Variants in UMAD1 observed in about 807,000 individuals in gnomAD.
UMAD1 encodes the protein UBAP1-MVB12-associated (UMA) domain containing 1.
In UMAD1, 8 loss-of-function variants were observed where a neutral mutation model predicts 6.1. That is an observed-to-expected ratio of 1.30 (90% confidence interval 0.76 to 2.35). UMAD1 has a LOEUF of 2.35. UMAD1 is among the 30% of genes most tolerant of loss of function. The pLI is 0.00. For synonymous variants in UMAD1, 56 were observed against 31.4 expected, an observed-to-expected ratio of 1.78 and a Z score of -2.61; for missense variants, 130 against 78.4, an observed-to-expected ratio of 1.66 and a Z score of -2.49.
chr7:7,822,633 G>T (rs1352226049), intron 3 of UMAD1, among the ~76,000 whole-genome samples: 1 of 152,120 alleles, frequency 6.6e-6, no homozygotes, highest in African/African-American at 2.4e-5. Flanking sequence ...TGAGGAAAGG[G>T]TTCTGGAAGT....
At chr7:7,650,477 G>A (rs1291172390) in intron 1 of UMAD1, among the ~76,000 whole-genome samples, 1 of 152,094 alleles carries the variant, frequency 6.6e-6, no homozygotes, top group African/African-American at 2.4e-5. Flanking sequence ...TTTAAATTGT[G>A]ATTTTGCTGT....
At chr7:7,827,191 T>C (rs1002940870) in intron 3 of UMAD1, among the ~76,000 whole-genome samples, 1 of 131,552 alleles carries the variant, frequency 7.6e-6, no homozygotes, top group Non-Finnish European at 1.6e-5. Flanking sequence ...CACATGAAAA[T>C]TTAAATAATG....
intron 1 of UMAD1, among the ~76,000 whole-genome samples, chr7:7,672,395 G>A (rs1393161150): frequency 1.3e-5 from 2 of 152,044 alleles, no homozygotes; most frequent in African/African-American, 4.8e-5. Context: ...TGTGTATGAG[G>A]GATGGTCACA....
At chr7:7,640,947 G>C in intron 1 of UMAD1, 126 bp downstream of exon 1, 1 of 158,118 alleles carries the variant, frequency 6.3e-6, no homozygotes, top group South Asian at 1.5e-4. Flanking sequence ...CTGCGTACCA[G>C]CTGTTCACTG....
chr7:7,738,026 T>C (rs931530561), intron 2 of UMAD1, among the ~76,000 whole-genome samples: 2 of 152,334 alleles, frequency 1.3e-5, no homozygotes, highest in South Asian at 2.1e-4. Context: ...TTTCATGTTA[T>C]CAATTGAGAA....
At chr7:7,687,825 T>C (rs1267793064) in intron 2 of UMAD1, among the ~76,000 whole-genome samples, 1 of 152,212 alleles carries the variant, frequency 6.6e-6, no homozygotes, top group Non-Finnish European at 1.5e-5. Flanking sequence ...AAAGGAGTAA[T>C]TGCTCTGAAA....
At chr7:7,827,143 ATATATGTGTG>A (rs1425932274) in intron 3 of UMAD1, among the ~76,000 whole-genome samples, 1 of 135,140 alleles carries the variant, frequency 7.4e-6, no homozygotes, top group Non-Finnish European at 1.6e-5. Flanking sequence ...ATATATATAT[ATATATGTGTG>A]TGTGTGTGTG....
rs532997047 is a variant in UMAD1, at chr7:7,878,549, C to A, written c.*1011C>A. The A allele has an allele frequency of 3.3e-4, 50 of 152,196 alleles. No homozygotes were observed. The highest frequency in any genetic ancestry group is 1.2e-3 in the African/African-American group (49 of 41,512). 9.4% of individuals were successfully genotyped at this position (152,196 alleles called of 1,614,324 possible). On this transcript the variant is annotated 3_prime_UTR_variant, in exon 4 of 4. Transcript: ENST00000682710. ...CTTACTTTAATGAAAACAGAACTGCCATTGGTCAATAAACTGTAAAGGGAA... is the reference window on the plus strand; with the variant it reads ...CTTACTTTAATGAAAACAGAACTGCAATTGGTCAATAAACTGTAAAGGGAA...
intron 3 of UMAD1, among the ~76,000 whole-genome samples, chr7:7,859,140 C>T (rs570120110): frequency 1.2e-4 from 19 of 152,226 alleles, no homozygotes; most frequent in African/African-American, 4.3e-4. Context: ...TTATTGTTTT[C>T]CTGATTTCAA....
At chr7:7,717,141 C>G (rs532858298) in intron 2 of UMAD1, among the ~76,000 whole-genome samples, 30 of 151,178 alleles carry the variant, frequency 2.0e-4, no homozygotes, top group African/African-American at 7.1e-4. Flanking sequence ...ACTGCAACCT[C>G]CGTCTCCCGG....
At chr7:7,702,562 A>G (rs1780487155) in intron 2 of UMAD1, among the ~76,000 whole-genome samples, 1 of 152,156 alleles carries the variant, frequency 6.6e-6, no homozygotes, top group Non-Finnish European at 1.5e-5. Flanking sequence ...CATTTTCTGT[A>G]CTTTTCCTGA....
At chr7:7,719,312 G>C (rs1583772345) in intron 2 of UMAD1, among the ~76,000 whole-genome samples, 2 of 152,182 alleles carry the variant, frequency 1.3e-5, no homozygotes, top group African/African-American at 4.8e-5. Flanking sequence ...CAAATGGAAA[G>C]ATTAAACTGG....
intron 2 of UMAD1, among the ~76,000 whole-genome samples, chr7:7,775,334 C>T (rs1782181784): frequency 6.6e-6 from 1 of 152,152 alleles, no homozygotes; most frequent in Non-Finnish European, 1.5e-5. Flanking sequence ...GGGAGGGACC[C>T]AGTGGGAGGT....
intron 2 of UMAD1, among the ~76,000 whole-genome samples, chr7:7,786,725 T>G (rs1298152238): frequency 1.3e-5 from 2 of 152,256 alleles, no homozygotes; most frequent in Admixed American, 1.3e-4. Flanking sequence ...GCTCTCCCTG[T>G]TGCCACTGTG....
intron 3 of UMAD1, among the ~76,000 whole-genome samples, chr7:7,836,011 A>G (rs1783561539): frequency 6.6e-6 from 1 of 152,078 alleles, no homozygotes; most frequent in Admixed American, 6.5e-5. Context: ...TTCCTGTAAC[A>G]TGAGAAATTT....
At chr7:7,812,177 C>T (rs1035544431) in intron 3 of UMAD1, among the ~76,000 whole-genome samples, 6 of 152,176 alleles carry the variant, frequency 3.9e-5, no homozygotes, top group Non-Finnish European at 8.8e-5. Flanking sequence ...AATGTTCATT[C>T]ACCCTAGCCA....
At chr7:7,650,747 C>G (rs1236724375) in intron 1 of UMAD1, among the ~76,000 whole-genome samples, 1 of 152,196 alleles carries the variant, frequency 6.6e-6, no homozygotes, top group Non-Finnish European at 1.5e-5. Context: ...CCAGAATGGT[C>G]CACCTAAAAT....
chr7:7,804,935 C>T (rs1300270125), intron 3 of UMAD1, among the ~76,000 whole-genome samples: 2 of 151,714 alleles, frequency 1.3e-5, no homozygotes, highest in African/African-American at 2.4e-5. Context: ...GAGCCGAGAT[C>T]ACACCACTGC....
At chr7:7,752,912 G>C in intron 2 of UMAD1, among the ~76,000 whole-genome samples, 1 of 151,946 alleles carries the variant, frequency 6.6e-6, no homozygotes, top group East Asian at 1.9e-4. Flanking sequence ...GTCTAGAAAA[G>C]TTGCATAAGA....
Sources: allele counts gnomAD v4.1 joint callset (sites outside exome capture counted in the v4.1 genomes callset), GRCh38; gene constraint gnomAD v4.1.1; transcripts MANE v1.5; gene names NCBI Gene and HGNC (gene_info 2026-07-23, HGNC 2026-07-21).